Variants in AGBL3 observed in about 807,000 individuals in gnomAD.
AGBL3 encodes cytosolic carboxypeptidase 3.
Under a neutral mutation model 94.5 loss-of-function variants are expected in AGBL3, and 68 were observed. That is an observed-to-expected ratio of 0.72 (90% CI 0.59 to 0.88). The LOEUF is 0.88. AGBL3 is among the 40% of genes least tolerant of loss of function. The probability of loss-of-function intolerance (pLI) is 0.00; values close to 1 mark genes in which losing one functional copy is unlikely to be tolerated. For synonymous variants in AGBL3, 354 were observed against 370.7 expected, an observed-to-expected ratio of 0.95 and a Z score of 0.52; for missense variants, 934 against 1,103.8, an observed-to-expected ratio of 0.85 and a Z score of 2.18.
At chr7:135,133,504 A>G (rs1168911799) in intron 16 of AGBL3, among the ~76,000 whole-genome samples, 1 of 152,214 alleles carries the variant, frequency 6.6e-6, no homozygotes, top group African/African-American at 2.4e-5. Context: ...GGGAGAGATC[A>G]GTCTATCTGA....
intron 5 of AGBL3, among the ~76,000 whole-genome samples, chr7:135,025,031 A>C (rs1814936974): frequency 6.6e-6 from 1 of 151,658 alleles, no homozygotes; most frequent in Admixed American, 6.6e-5. Context: ...GAGAGTAAGC[A>C]ACTTGGAAAA....
At chr7:135,061,282 T>C (rs1036019984) in intron 12 of AGBL3, among the ~76,000 whole-genome samples, 33 of 152,152 alleles carry the variant, frequency 2.2e-4, no homozygotes, top group Admixed American at 9.2e-4. Context: ...ATTTTGGATA[T>C]TAACCCCTTA....
At chr7:134,992,908 A>G (rs1456054457) in intron 3 of AGBL3, among the ~76,000 whole-genome samples, 6 of 152,234 alleles carry the variant, frequency 3.9e-5, no homozygotes, top group Non-Finnish European at 7.3e-5. Context: ...GAAATGTATC[A>G]TAAGAGAAGT....
chr7:135,067,875 C>A (rs1380116112), intron 12 of AGBL3, among the ~76,000 whole-genome samples: 7 of 152,178 alleles, frequency 4.6e-5, no homozygotes, highest in Non-Finnish European at 7.3e-5. Context: ...AGCAACGGAA[C>A]AAAGCTGGAT....
intron 13 of AGBL3, among the ~76,000 whole-genome samples, chr7:135,079,901 C>T (rs1432731738): frequency 1.3e-5 from 2 of 152,010 alleles, no homozygotes; most frequent in Non-Finnish European, 2.9e-5. Context: ...ATAAGAATAC[C>T]ATTTTTTTGT....
At chr7:135,054,987 T>A (rs917441070) in intron 11 of AGBL3, among the ~76,000 whole-genome samples, 4 of 152,198 alleles carry the variant, frequency 2.6e-5, no homozygotes, top group African/African-American at 9.7e-5. Context: ...GGGCTTTTGA[T>A]GCTACATCAT....
intron 16 of AGBL3, among the ~76,000 whole-genome samples, chr7:135,119,647 G>A (rs554061084): frequency 2.3e-3 from 345 of 152,224 alleles, no homozygotes; most frequent in Non-Finnish European, 4.2e-3. Context: ...GGAGGCCGAG[G>A]TGGGCAGATC....
chr7:135,129,483 T>C (rs923286855), intron 16 of AGBL3: 2 of 773,426 alleles, frequency 2.6e-6, no homozygotes, highest in African/African-American at 1.7e-5. Context: ...GAACTGACCA[T>C]GTTGTGGAAC....
chr7:135,034,206 C>G lies in AGBL3; in HGVS notation c.615C>G (p.Thr205=). 1.3e-6 allele frequency: 2 copies of G among 1,551,522 alleles called. No individual in the cohort carries two copies. Among genetic ancestry groups the G allele is most frequent in the Non-Finnish European group, 1.7e-6 (2 of 1,146,890 alleles). ...VRPDLFTNKH[T]QWYYFQVTNM... is the part of the protein sequence containing the mutation. ...CTGACCTCTTCACAAATAAACACAC[C>G]CAGTGGTACTATTTCCAAGTCACTA... is the stretch of plus-strand genomic sequence containing the variant. The change falls in exon 7 of 17, where the codon ACC becomes ACG. Residue 205 remains threonine (T), a synonymous_variant. Coordinates refer to ENST00000436302, the MANE Select transcript of AGBL3 (RefSeq NM_178563.4).
intron 12 of AGBL3, among the ~76,000 whole-genome samples, chr7:135,060,760 T>C (rs947057987): frequency 6.6e-6 from 1 of 152,174 alleles, no homozygotes; most frequent in Non-Finnish European, 1.5e-5. Context: ...TAGTATTTCA[T>C]CGTGCTACAT....
intron 11 of AGBL3, among the ~76,000 whole-genome samples, chr7:135,052,528 G>A (rs1199520109): frequency 2.0e-5 from 3 of 152,108 alleles, no homozygotes; most frequent in Non-Finnish European, 1.5e-5. Flanking sequence ...CACCCAAATT[G>A]TGAATATAGT....
At chr7:135,129,876 A>G (rs779621598) in intron 16 of AGBL3, among the ~76,000 whole-genome samples, 2 of 152,188 alleles carry the variant, frequency 1.3e-5, no homozygotes, top group Non-Finnish European at 2.9e-5. Flanking sequence ...ACATTTTTTA[A>G]TGCAAGTTGA....
At chr7:135,050,408 AT>A (rs35058261) in intron 11 of AGBL3, among the ~76,000 whole-genome samples, 67,138 of 151,666 alleles carry the variant, frequency 0.44, 15,476 homozygotes, top group East Asian at 0.78. Context: ...CATTTGGTCT[AT>A]AATGTTGTTC....
Position 135,080,137 on chromosome 7 carries a change from T to C in AGBL3, c.1981-66T>C, listed in dbSNP as rs542787762. ...AAAATGCACAATACCATAAATCATA[T>C]AGGAAATATACCCCATTTCATGTTG... On this transcript the variant is annotated intron_variant, in intron 13 of 16. Transcript: ENST00000436302. 3.3e-6 allele frequency: 4 copies of C among 1,201,688 alleles called. No individual in the cohort carries two copies. In the Admixed American group the frequency reaches 6.2e-5, roughly 18 times the overall value. The allele number at this position is 1,201,688 out of a possible 1,614,324, so 74.4% of individuals were successfully genotyped here.
chr7:135,104,229 C>T (rs965258394), intron 15 of AGBL3, among the ~76,000 whole-genome samples: 1 of 152,142 alleles, frequency 6.6e-6, no homozygotes, highest in African/African-American at 2.4e-5. Context: ...CATCCATGTT[C>T]CTGCATAGGA....
chr7:135,076,673 T>C (rs1166086482), intron 13 of AGBL3, among the ~76,000 whole-genome samples: 2 of 152,220 alleles, frequency 1.3e-5, no homozygotes, highest in Non-Finnish European at 2.9e-5. Context: ...TTAAATTTCA[T>C]TTATACTTTT....
At chr7:134,998,098 C>A (rs1478704880) in intron 4 of AGBL3, among the ~76,000 whole-genome samples, 1 of 152,168 alleles carries the variant, frequency 6.6e-6, no homozygotes, top group Non-Finnish European at 1.5e-5. Context: ...GGAGAGGAAT[C>A]ATACCAGCAA....
At chr7:135,058,252 T>C (rs954023003) in intron 11 of AGBL3, among the ~76,000 whole-genome samples, 7 of 152,048 alleles carry the variant, frequency 4.6e-5, no homozygotes, top group African/African-American at 1.2e-4. Flanking sequence ...ACCTAGAACT[T>C]TTCTAAAAAC....
At chr7:135,008,645 C>T (rs111973546) in intron 4 of AGBL3, among the ~76,000 whole-genome samples, 3,112 of 150,462 alleles carry the variant, frequency 0.021, 116 homozygotes, top group African/African-American at 0.071. Context: ...ATGAATTGAA[C>T]TTTATCAAAA....
Sources: allele counts gnomAD v4.1 joint callset (sites outside exome capture counted in the v4.1 genomes callset), GRCh38; gene constraint gnomAD v4.1.1; transcripts MANE v1.5; gene names NCBI Gene and HGNC (gene_info 2026-07-23, HGNC 2026-07-21).